Variants in NYAP2 observed in about 807,000 individuals in gnomAD.
NYAP2 encodes the protein neuronal tyrosine-phosphorylated phosphoinositide-3-kinase adaptor 2, also known as neuronal tyrosine-phosphorylated phosphoinositide-3-kinase adapter 2.
In NYAP2, 23 loss-of-function variants were observed where a neutral mutation model predicts 50.4. The ratio of observed to expected loss-of-function variants is 0.46; its 90% CI spans 0.33 to 0.65. The LOEUF (loss-of-function observed/expected upper bound fraction) is 0.65, where lower values mean the gene tolerates loss of function less well. Among genes scored for constraint, NYAP2 ranks in the 30% least tolerant of loss-of-function variants. The probability of loss-of-function intolerance (pLI) is 0.02; values close to 1 mark genes in which losing one functional copy is unlikely to be tolerated. For missense variants in NYAP2, 885 were observed against 861.0 expected, an observed-to-expected ratio of 1.03 and a Z score of -0.35; for synonymous variants, 394 against 365.2, an observed-to-expected ratio of 1.08 and a Z score of -0.90.
At chr2:225,417,875 G>A (rs1695150555) in intron 3 of NYAP2, among the ~76,000 whole-genome samples, 1 of 152,138 alleles carries the variant, frequency 6.6e-6, no homozygotes, top group African/African-American at 2.4e-5. Flanking sequence ...GGATAAGATG[G>A]TGAACAGAAT....
chr2:225,539,750 C>G (rs192532634), intron 4 of NYAP2, among the ~76,000 whole-genome samples: 12 of 151,810 alleles, frequency 7.9e-5, no homozygotes, highest in African/African-American at 2.2e-4. Flanking sequence ...GATATTAGTC[C>G]TTTGTCAGAT....
intron 3 of NYAP2, among the ~76,000 whole-genome samples, chr2:225,494,539 A>G (rs890472801): frequency 6.6e-6 from 1 of 152,228 alleles, no homozygotes. Context: ...GGCTGTTAAA[A>G]GAAGATACCA....
intron 4 of NYAP2, among the ~76,000 whole-genome samples, chr2:225,566,407 G>C (rs986650120): frequency 1.3e-4 from 20 of 152,178 alleles, no homozygotes; most frequent in Non-Finnish European, 2.1e-4. Context: ...TCAGTAGACT[G>C]TATCTATGAA....
intron 4 of NYAP2, among the ~76,000 whole-genome samples, chr2:225,560,570 G>A (rs1318842981): frequency 1.3e-5 from 2 of 152,018 alleles, no homozygotes; most frequent in East Asian, 3.9e-4. Flanking sequence ...AATAGGCTTT[G>A]GTAAATTCAG....
chr2:225,475,897 A>C (rs935029279), intron 3 of NYAP2, among the ~76,000 whole-genome samples: 7 of 152,192 alleles, frequency 4.6e-5, no homozygotes, highest in African/African-American at 1.7e-4. Flanking sequence ...GGAATATGGA[A>C]CTCTTCATTT....
exon 4 of NYAP2, chr2:225,513,533 C>T (rs1057220451): frequency 1.1e-5 from 18 of 1,612,892 alleles, no homozygotes; most frequent in Middle Eastern, 3.3e-4. Context: ...GGGGCACAGA[C>T]GATGACAGCA....
chr2:225,408,769 A>G (rs1428155082), intron 2 of NYAP2, 95 bp from the exon 3 acceptor site: 4 of 651,226 alleles, frequency 6.1e-6, no homozygotes, highest in Middle Eastern at 3.0e-4. Flanking sequence ...GGATTTGGCC[A>G]TAATTATTGG....
intron 4 of NYAP2, among the ~76,000 whole-genome samples, chr2:225,569,557 A>C (rs1200552295): frequency 6.6e-6 from 1 of 152,204 alleles, no homozygotes; most frequent in African/African-American, 2.4e-5. Flanking sequence ...GGGAGCAGGA[A>C]TAAACTCAGT....
chr2:225,453,887 G>T (rs1389602286), intron 3 of NYAP2, among the ~76,000 whole-genome samples: 1 of 149,888 alleles, frequency 6.7e-6, no homozygotes, highest in African/African-American at 2.5e-5. Flanking sequence ...ACGTTGGCCA[G>T]GCTGGTCTTG....
intron 5 of NYAP2, among the ~76,000 whole-genome samples, chr2:225,622,079 T>C (rs1304601062): frequency 6.6e-6 from 1 of 152,220 alleles, no homozygotes; most frequent in Non-Finnish European, 1.5e-5. Context: ...TTGCCCAGCC[T>C]GGATTGCAGT....
chr2:225,661,112 T>C, the NYAP2 span, among the ~76,000 whole-genome samples: 1 of 152,220 alleles, frequency 6.6e-6, no homozygotes, highest in Non-Finnish European at 1.5e-5. Context: ...ATTTCTTTTG[T>C]TTTCCATTAA....
chr2:225,540,553 T>C (rs1691444030), intron 4 of NYAP2, among the ~76,000 whole-genome samples: 1 of 152,156 alleles, frequency 6.6e-6, no homozygotes, highest in African/African-American at 2.4e-5. Flanking sequence ...ATGACTCAAT[T>C]ACTTCCCACT....
At chr2:225,453,499 A>G (rs530866927) in intron 3 of NYAP2, among the ~76,000 whole-genome samples, 91 of 152,318 alleles carry the variant, frequency 6.0e-4, no homozygotes, top group Non-Finnish European at 8.8e-4. Context: ...ATAGCAAAAA[A>G]TCAAAATGAG....
chr2:225,422,801 C>T (rs986333845), intron 3 of NYAP2, among the ~76,000 whole-genome samples: 5 of 152,098 alleles, frequency 3.3e-5, no homozygotes, highest in East Asian at 3.9e-4. Context: ...AGTAACAGAA[C>T]GCTTCCATGA....
the NYAP2 span, chr2:225,702,816 T>G: frequency 1.3e-5 from 2 of 151,708 alleles, no homozygotes; most frequent in African/African-American, 4.8e-5. Flanking sequence ...AAGGGGAATT[T>G]TTTTAAAGAA....
At chr2:225,555,309 T>C (rs1212991569) in intron 4 of NYAP2, among the ~76,000 whole-genome samples, 1 of 152,190 alleles carries the variant, frequency 6.6e-6, no homozygotes, top group Non-Finnish European at 1.5e-5. Flanking sequence ...TTTTGCTTTA[T>C]TTCATTTTTC....
intron 3 of NYAP2, among the ~76,000 whole-genome samples, chr2:225,420,448 T>C (rs1427207026): frequency 6.6e-6 from 1 of 152,160 alleles, no homozygotes; most frequent in Non-Finnish European, 1.5e-5. Flanking sequence ...GTTTGATTTC[T>C]TTTCTGAAGA....
At chr2:225,679,327 C>A in the NYAP2 span, among the ~76,000 whole-genome samples, 2 of 151,920 alleles carry the variant, frequency 1.3e-5, no homozygotes, top group Admixed American at 1.3e-4. Context: ...GTGCAGAGAG[C>A]ATCTTGGTAT....
intron 4 of NYAP2, among the ~76,000 whole-genome samples, chr2:225,538,382 T>C (rs943800298): frequency 6.6e-5 from 10 of 152,180 alleles, no homozygotes; most frequent in Admixed American, 6.5e-5. Context: ...TAGGTGGGGG[T>C]TCCCAAACCC....
Sources: allele counts gnomAD v4.1 joint callset (sites outside exome capture counted in the v4.1 genomes callset), GRCh38; gene constraint gnomAD v4.1.1; transcripts MANE v1.5; gene names NCBI Gene and HGNC (gene_info 2026-07-23, HGNC 2026-07-21).